CDIN1: variants seen among roughly 807,000 people sequenced by gnomAD.
CDIN1 encodes the protein CDAN1 interacting nuclease 1.
Under a neutral mutation model 45.3 loss-of-function variants are expected in CDIN1, and 33 were observed. The ratio of observed to expected loss-of-function variants is 0.73; its 90% CI spans 0.55 to 0.97. CDIN1 has a LOEUF of 0.97. Among genes scored for constraint, CDIN1 ranks in the 50% least tolerant of loss-of-function variants. CDIN1 has a pLI of 0.00. For synonymous variants in CDIN1, 118 were observed against 124.4 expected, an observed-to-expected ratio of 0.95 and a Z score of 0.34; for missense variants, 303 against 339.4, an observed-to-expected ratio of 0.89 and a Z score of 0.84.
intron 10 of CDIN1, among the ~76,000 whole-genome samples, chr15:36,758,089 G>T (rs1422335255): frequency 6.6e-6 from 1 of 151,710 alleles, no homozygotes; most frequent in African/African-American, 2.4e-5. Context: ...GCATCTAGTG[G>T]GTGTCTTAGA....
intron 1 of CDIN1, chr15:36,618,855 C>A: frequency 1.1e-6 from 1 of 904,544 alleles, no homozygotes; most frequent in Non-Finnish European, 1.9e-6. Flanking sequence ...CCTCCAAGTA[C>A]TACAAAGCCA....
chr15:36,582,671 C>T (rs2037101878), intron 1 of CDIN1, among the ~76,000 whole-genome samples: 1 of 152,144 alleles, frequency 6.6e-6, no homozygotes, highest in African/African-American at 2.4e-5. Flanking sequence ...ACTCCAAGTC[C>T]ACAGCCACAC....
chr15:36,678,966 G>C (rs896413350), intron 5 of CDIN1, among the ~76,000 whole-genome samples: 1 of 152,168 alleles, frequency 6.6e-6, no homozygotes, highest in Non-Finnish European at 1.5e-5. Context: ...GTCTTTACTT[G>C]CTTGGTTGCT....
At chr15:36,684,154 G>C (rs1396466464) in intron 5 of CDIN1, among the ~76,000 whole-genome samples, 5 of 150,380 alleles carry the variant, frequency 3.3e-5, no homozygotes, top group African/African-American at 4.9e-5. Context: ...TCTTGTGCCA[G>C]TTTTCAAAGG....
intron 1 of CDIN1, chr15:36,618,639 G>T: frequency 1.2e-6 from 1 of 825,922 alleles, no homozygotes; most frequent in Non-Finnish European, 2.2e-6. Context: ...ATAATGAAGT[G>T]TTGAGAGTTA....
At chr15:36,669,013 T>G (rs2041351205) in intron 5 of CDIN1, 1 of 152,126 alleles carries the variant, frequency 6.6e-6, no homozygotes, top group Non-Finnish European at 1.5e-5. Flanking sequence ...CCCTTCTTCT[T>G]CGTTAGGTAC....
chr15:36,617,150 T>A, intron 1 of CDIN1: 1 of 972,060 alleles, frequency 1.0e-6, no homozygotes, highest in East Asian at 2.4e-5. Context: ...AATGCCAAAG[T>A]ATGGCAAGAA....
At chr15:36,614,769 C>T (rs2038808034) in intron 1 of CDIN1, among the ~76,000 whole-genome samples, 2 of 151,998 alleles carry the variant, frequency 1.3e-5, no homozygotes, top group African/African-American at 2.4e-5. Context: ...CAAACAACAA[C>T]AAAAACAAAA....
intron 5 of CDIN1, among the ~76,000 whole-genome samples, chr15:36,665,045 A>G (rs1002740103): frequency 2.6e-5 from 4 of 152,208 alleles, no homozygotes; most frequent in African/African-American, 9.6e-5. Flanking sequence ...TGGCCTAGAC[A>G]ATTCAGATGA....
rs139734910 is a variant in CDIN1 at position 36,776,931 on chromosome 15, A to G, written c.717-31393A>G. Among the ~76,000 whole-genome samples, 1,380 of 152,256 alleles carry G rather than the reference A, an allele frequency of 9.1e-3. 31 individuals are homozygous for G. The highest frequency in any genetic ancestry group is 0.031 in the African/African-American group (1,282 of 41,542). ...TTTGGAAATAATTTTTAAATTTCCTATTATATCATAAACTTTGAATTTCAA... is the reference window on the plus strand; with the variant it reads ...TTTGGAAATAATTTTTAAATTTCCTGTTATATCATAAACTTTGAATTTCAA... On this transcript the variant is annotated intron_variant, in intron 10 of 10. Coordinates refer to ENST00000566621, the MANE Select transcript of CDIN1 (RefSeq NM_001321759.2).
At chr15:36,673,381 A>G (rs910677564) in intron 5 of CDIN1, among the ~76,000 whole-genome samples, 1 of 152,128 alleles carries the variant, frequency 6.6e-6, no homozygotes, top group African/African-American at 2.4e-5. Context: ...ATATATGAGC[A>G]TCTTTGCAGT....
chr15:36,762,807 A>G (rs1411883273), intron 10 of CDIN1, among the ~76,000 whole-genome samples: 1 of 152,126 alleles, frequency 6.6e-6, no homozygotes, highest in Admixed American at 6.5e-5. Flanking sequence ...CCATGTCCCT[A>G]CAAAGGACAT....
intron 8 of CDIN1, chr15:36,704,787 T>G (rs1303947465): frequency 6.6e-6 from 1 of 152,194 alleles, no homozygotes; most frequent in African/African-American, 2.4e-5. Flanking sequence ...AATGTGACTT[T>G]TCATTTTCAG....
intron 10 of CDIN1, among the ~76,000 whole-genome samples, chr15:36,711,104 T>G (rs2043041410): frequency 6.6e-6 from 1 of 152,186 alleles, no homozygotes; most frequent in Non-Finnish European, 1.5e-5. Flanking sequence ...TATTCAGCCA[T>G]TATTCAAATT....
In CDIN1 at chr15:36,627,454, C is replaced by A; in HGVS notation, c.102-16824C>A. 3 of 157,680 alleles carry A rather than the reference C, an allele frequency of 1.9e-5. No individual in the cohort carries two copies. In the South Asian group the frequency reaches 5.2e-4, roughly 27 times the overall value. 9.8% of individuals were successfully genotyped at this position (157,680 alleles called of 1,614,324 possible). On this transcript the variant is annotated intron_variant, in intron 1 of 10. Coordinates refer to ENST00000566621, the MANE Select transcript of CDIN1 (RefSeq NM_001321759.2). ...TGGCAATGTCCAGCACCTCGTCAGT[C>A]ACGCCCGCCTTGTCCAGCTGTAGTT...
chr15:36,607,270 T>G (rs2038421834), intron 1 of CDIN1, among the ~76,000 whole-genome samples: 6 of 152,174 alleles, frequency 3.9e-5, no homozygotes, highest in Admixed American at 3.9e-4. Context: ...GTGGATAGTT[T>G]GAAGACTAGG....
At chr15:36,700,593 A>C (rs1459969616) in intron 8 of CDIN1, among the ~76,000 whole-genome samples, 1 of 151,344 alleles carries the variant, frequency 6.6e-6, no homozygotes, top group Non-Finnish European at 1.5e-5. Context: ...GCCACAGTAT[A>C]TATCTAGGAT....
chr15:36,659,491 C>T (rs1048718612), intron 5 of CDIN1, among the ~76,000 whole-genome samples: 3 of 151,800 alleles, frequency 2.0e-5, no homozygotes, highest in South Asian at 2.1e-4. Context: ...GGAAAGGAGG[C>T]GAATGTAAAT....
At chr15:36,697,579 G>T (rs1023366751) in intron 8 of CDIN1, among the ~76,000 whole-genome samples, 189 bp downstream of exon 8, 3 of 152,144 alleles carry the variant, frequency 2.0e-5, no homozygotes, top group African/African-American at 7.2e-5. Flanking sequence ...GCACAAGCTT[G>T]CAATTAATAT....
Sources: gnomAD v4.1 joint callset for allele counts (sites outside exome capture counted in the v4.1 genomes callset) on GRCh38, gnomAD v4.1.1 for gene constraint, MANE v1.5 for transcripts, NCBI Gene and HGNC (gene_info 2026-07-23, HGNC 2026-07-21) for gene names.